Variants in SDCCAG8 observed in about 807,000 individuals in gnomAD.
SDCCAG8 encodes serologically defined colon cancer antigen 8.
SDCCAG8 carries 74 observed loss-of-function variants against 101.8 expected under a neutral mutation model. The ratio of observed to expected loss-of-function variants is 0.73; its 90% CI spans 0.60 to 0.88. SDCCAG8 has a LOEUF of 0.88. Among genes scored for constraint, SDCCAG8 ranks in the 40% least tolerant of loss-of-function variants. The pLI, the probability that SDCCAG8 is intolerant of heterozygous loss-of-function variation, is 0.00. For missense variants in SDCCAG8, 787 were observed against 822.6 expected, an observed-to-expected ratio of 0.96 and a Z score of 0.53; for synonymous variants, 281 against 292.9, an observed-to-expected ratio of 0.96 and a Z score of 0.41.
At chr1:243,343,186 A>G (rs1358739147) in intron 11 of SDCCAG8, among the ~76,000 whole-genome samples, 1 of 152,224 alleles carries the variant, frequency 6.6e-6, no homozygotes, top group Non-Finnish European at 1.5e-5. Context: ...GATGAAACTG[A>G]TTTCTAAAGT....
chr1:243,313,794 G>A (rs1158115613), intron 8 of SDCCAG8, among the ~76,000 whole-genome samples: 1 of 152,190 alleles, frequency 6.6e-6, no homozygotes. Context: ...CCTGTGGATT[G>A]CGGGATCTAG....
At chr1:243,259,606 C>T (rs1330955778) in intron 1 of SDCCAG8, among the ~76,000 whole-genome samples, 3 of 151,862 alleles carry the variant, frequency 2.0e-5, no homozygotes, top group African/African-American at 4.8e-5. Context: ...GATCACCTGA[C>T]GTCTGGAGTT....
intron 1 of SDCCAG8, among the ~76,000 whole-genome samples, chr1:243,259,874 T>C (rs1427552621): frequency 2.0e-5 from 3 of 152,180 alleles, no homozygotes; most frequent in Non-Finnish European, 4.4e-5. Context: ...TCCTCATTTC[T>C]TTAATTTTGG....
intron 12 of SDCCAG8, among the ~76,000 whole-genome samples, chr1:243,347,630 T>C (rs1422638265): frequency 6.6e-6 from 1 of 152,242 alleles, no homozygotes; most frequent in Non-Finnish European, 1.5e-5. Flanking sequence ...AGGAAATGGC[T>C]ACCACGCAGC....
chr1:243,468,053 C>T (rs755924884), intron 16 of SDCCAG8, among the ~76,000 whole-genome samples: 19 of 152,134 alleles, frequency 1.2e-4, no homozygotes, highest in Non-Finnish European at 2.1e-4. Context: ...CAGGATTTTC[C>T]AGCCGTTGCT....
chr1:243,283,130 G>C (rs912983786), intron 4 of SDCCAG8, among the ~76,000 whole-genome samples: 7 of 152,116 alleles, frequency 4.6e-5, no homozygotes, highest in Admixed American at 1.3e-4. Context: ...TTACAGGCAT[G>C]AGCCACCGCA....
In SDCCAG8 at chr1:243,418,037, C is replaced by A; in HGVS notation, c.1814C>A (p.Thr605Lys). 6 of 1,613,022 alleles carry A rather than the reference C, an allele frequency of 3.7e-6. No individual in the cohort carries two copies. Among genetic ancestry groups the A allele is most frequent in the Non-Finnish European group, 4.2e-6 (5 of 1,179,270 alleles). ...FLTKLKEECC[T>K]LAKKLEQISQ... ...ACAAAGTTAAAGGAAGAATGCTGTACATTAGCCAAGAAACTGGAACAAATC... is the reference window on the plus strand; with the variant it reads ...ACAAAGTTAAAGGAAGAATGCTGTAAATTAGCCAAGAAACTGGAACAAATC... Residue 605 changes from threonine (T) to lysine (K), a missense_variant, in exon 15 of 18, where the codon ACA (threonine) becomes AAA (lysine). Physicochemically the swap from Thr to Lys is moderately conservative, Grantham distance 78. Coordinates refer to ENST00000366541, the MANE Select transcript of SDCCAG8 (RefSeq NM_006642.5).
chr1:243,486,201 C>CAA (rs1664776642), intron 16 of SDCCAG8, among the ~76,000 whole-genome samples: 1 of 39,074 alleles, frequency 2.6e-5, no homozygotes, highest in Non-Finnish European at 4.9e-5. Context: ...AACTCTGCCT[C>CAA]CAAAAAAAAA....
intron 12 of SDCCAG8, among the ~76,000 whole-genome samples, chr1:243,352,678 A>C (rs74666281): frequency 6.6e-6 from 1 of 152,194 alleles, no homozygotes; most frequent in South Asian, 2.1e-4. Context: ...TACATTTAAA[A>C]AAATTTATTG....
intron 12 of SDCCAG8, among the ~76,000 whole-genome samples, chr1:243,368,784 T>C (rs1252499171): frequency 6.6e-6 from 1 of 152,146 alleles, no homozygotes; most frequent in African/African-American, 2.4e-5. Context: ...ACCCTTGATA[T>C]TTGTAGGGAC....
chr1:243,413,591 G>GT (rs1349858192), intron 13 of SDCCAG8, among the ~76,000 whole-genome samples: 1 of 152,172 alleles, frequency 6.6e-6, no homozygotes, highest in African/African-American at 2.4e-5. Context: ...TTGGGGAACT[G>GT]TAAGTACCAG....
At chr1:243,411,574 G>A (rs2080179428) in intron 13 of SDCCAG8, among the ~76,000 whole-genome samples, 1 of 152,154 alleles carries the variant, frequency 6.6e-6, no homozygotes, top group Non-Finnish European at 1.5e-5. Flanking sequence ...ACATGTCCTT[G>A]TGCCCTTTTG....
intron 15 of SDCCAG8, among the ~76,000 whole-genome samples, 178 bp from the exon 16 acceptor site, chr1:243,426,249 T>G (rs1293724004): frequency 1.3e-5 from 2 of 152,240 alleles, no homozygotes; most frequent in African/African-American, 4.8e-5. Flanking sequence ...GTCTAACACA[T>G]GAGTCTCTAC....
In SDCCAG8 at chr1:243,336,779, G is replaced by C. The variant is rs142993961; in HGVS notation, c.1222-4260G>C. Among the ~76,000 whole-genome samples, 14 of 152,260 alleles carry C rather than the reference G, an allele frequency of 9.2e-5. No individual in the cohort carries two copies. In the East Asian group the frequency reaches 1.9e-3, roughly 21 times the overall value. ...TGATCTTGAGCACTTTTTCATGTTT[G>C]TTGGCCATTTGTATGTATTCTTTTG... On this transcript the variant is annotated intron_variant, in intron 10 of 17. Coordinates refer to ENST00000366541, the MANE Select transcript of SDCCAG8 (RefSeq NM_006642.5).
chr1:243,411,269 C>T (rs911809733), intron 13 of SDCCAG8, among the ~76,000 whole-genome samples: 1 of 151,590 alleles, frequency 6.6e-6, no homozygotes, highest in Non-Finnish European at 1.5e-5. Flanking sequence ...CACACACCAC[C>T]GCATCTGGCT....
At chr1:243,269,103 G>C (rs1421644079) in intron 1 of SDCCAG8, 1 of 152,344 alleles carries the variant, frequency 6.6e-6, no homozygotes, top group Non-Finnish European at 1.5e-5. Flanking sequence ...AGGGTAGTCA[G>C]ATATCTTACA....
chr1:243,402,337 G>C (rs2079455982), intron 13 of SDCCAG8, among the ~76,000 whole-genome samples: 1 of 151,104 alleles, frequency 6.6e-6, no homozygotes, highest in Non-Finnish European at 1.5e-5. Context: ...GGCTGAGACA[G>C]GATAATCGCT....
intron 15 of SDCCAG8, among the ~76,000 whole-genome samples, chr1:243,424,048 G>A (rs2081185574): frequency 1.3e-5 from 2 of 151,796 alleles, no homozygotes; most frequent in Non-Finnish European, 2.9e-5. Flanking sequence ...TGTTATAAAT[G>A]GTATTGATCA....
intron 1 of SDCCAG8, 49 bp downstream of exon 1, chr1:243,256,289 A>C (rs1558187253): frequency 6.6e-7 from 1 of 1,510,914 alleles, no homozygotes; most frequent in South Asian, 1.1e-5. Context: ...CCCAGGGCCT[A>C]GTGGGCGGGA....
Sources: gnomAD v4.1 joint callset for allele counts (sites outside exome capture counted in the v4.1 genomes callset) on GRCh38, gnomAD v4.1.1 for gene constraint, MANE v1.5 for transcripts, NCBI Gene and HGNC (gene_info 2026-07-23, HGNC 2026-07-21) for gene names.